Variants in VARS1 observed in about 807,000 individuals in gnomAD.
VARS1 encodes valine--tRNA ligase.
VARS1 carries 92 observed loss-of-function variants against 161.0 expected under a neutral mutation model. The ratio of observed to expected loss-of-function variants is 0.57; its 90% confidence interval spans 0.48 to 0.68. The LOEUF is 0.68. Among genes scored for constraint, VARS1 ranks in the 30% least tolerant of loss-of-function variants. VARS1 has a pLI of 0.00. For synonymous variants in VARS1, 595 were observed against 682.5 expected (o/e 0.87, Z 2.00); for missense variants, 1,338 against 1,695.9 (o/e 0.79, Z 3.71).
chr6:31,793,585 G>A (rs1387492207), intron 2 of VARS1, among the ~76,000 whole-genome samples: 8 of 152,058 alleles, frequency 5.3e-5, no homozygotes, highest in Admixed American at 6.5e-5. Context: ...AATATGTTAA[G>A]CATAGAAGTA....
At chr6:31,787,217 AAAAT>A (rs1327807663) in intron 8 of VARS1, among the ~76,000 whole-genome samples, 93 of 152,354 alleles carry the variant, frequency 6.1e-4, no homozygotes, top group Admixed American at 1.7e-3. Flanking sequence ...CTCTGTCTCA[AAAAT>A]AAATAAATAA....
Position 31,784,565 on chromosome 6 carries a change from G to A in VARS1, c.1467+30C>T, listed in dbSNP as rs771463367. ...AGGGCCAGGGCCAGGGTAGATTGGA[G>A]ATGGAGACAGGCCAGGTTGGGGGGC... is the stretch of plus-strand genomic sequence containing the variant. On this transcript the variant is annotated intron_variant, in intron 11 of 29. Coordinates refer to ENST00000375663, the MANE Select transcript of VARS1 (RefSeq NM_006295.3). This position sits in a 1 kb window ranked among gnomAD's most constrained non-coding sequence, Gnocchi z 6.1. The A allele has an allele frequency of 1.8e-5, 29 of 1,613,410 alleles. No homozygotes were observed. Among genetic ancestry groups the A allele is most frequent in the Non-Finnish European group, 2.4e-5 (28 of 1,180,046 alleles).
At position 31,791,877 on chromosome 6, in the gene VARS1, C is replaced by T. The variant is rs769189361; in HGVS notation, c.966G>A (p.Glu322=). 1 of 1,609,642 alleles carries T rather than the reference C, an allele frequency of 6.2e-7. No individual in the cohort carries two copies. Among genetic ancestry groups the T allele is most frequent in the Non-Finnish European group, 8.5e-7 (1 of 1,178,030 alleles). The change falls in exon 7 of 30, where the codon GAG becomes GAA. Residue 322 remains glutamate (E), a synonymous_variant. Coordinates refer to ENST00000375663, the MANE Select transcript of VARS1 (RefSeq NM_006295.3). This position sits in a 1 kb window ranked among gnomAD's most constrained non-coding sequence, Gnocchi z 5.0. ...GGCAGCAGTGCCTACTCACCCCATA[C>T]TCTGGCTTGAAGAAGCCCTGCTGCT... The part of the protein sequence containing the change: ...WWEQQGFFKP[E]YGRPNVSAAN...
At position 31,785,160 on chromosome 6, in the gene VARS1, C is replaced by T. The variant is rs1026437742; in HGVS notation, c.1347+86G>A. The T allele has an allele frequency of 2.5e-5, 38 of 1,528,036 alleles. No homozygotes were observed. Among genetic ancestry groups the T allele is most frequent in the Non-Finnish European group, 3.3e-5 (37 of 1,107,040 alleles). 94.7% of individuals were successfully genotyped at this position (1,528,036 alleles called of 1,614,324 possible). A position where few individuals can be genotyped will look rare whatever the true frequency, so the allele number is the denominator to read the frequency against. On this transcript the variant is annotated intron_variant, in intron 10 of 29. Transcript: ENST00000375663. The surrounding 1 kb of genome is among the most constrained non-coding windows in gnomAD (Gnocchi z 6.1). ...ACATGGGCCAGCTCCTGAGAGAGGGCCACAACACCTCTGCTTTCTCCTGTG... is the reference window on the plus strand; with the variant it reads ...ACATGGGCCAGCTCCTGAGAGAGGGTCACAACACCTCTGCTTTCTCCTGTG...
rs1813252171 is a variant in VARS1, at chr6:31,782,843, C to A, written c.1765G>T (p.Ala589Ser). 6.2e-7 allele frequency: 1 copy of A among 1,610,408 alleles called. No individual in the cohort carries two copies. The highest frequency in any genetic ancestry group is 1.1e-5 in the South Asian group (1 of 90,592). Residue 589 changes from alanine to serine, a missense_variant and splice_region_variant, in exon 15 of 30, where the codon GCT becomes TCT. Ala to Ser is a moderately conservative substitution (Grantham distance 99, BLOSUM62 1). This residue lies in a region of VARS1 where 902 missense variants were observed against 1,090.3 expected (regional missense o/e 0.83). Transcript: ENST00000375663. The surrounding 1 kb of genome is among the most constrained non-coding windows in gnomAD (Gnocchi z 8.3). ...TCATGTGCGGGGGTGATCTTCACAG[C>A]ACCTGGGTGTACATCAGGATGCCCA... ...EFVDMDFGTG[A>S]VKITPAHDQN...
Position 31,784,707 on chromosome 6 carries a change from G to C in VARS1, c.1355C>G (p.Ser452Ter), listed in dbSNP as rs1259474111. Residue 452 changes from serine to a stop codon, truncating the protein, a stop_gained, in exon 11 of 30, where the codon TCA becomes TGA. Coordinates refer to ENST00000375663, the MANE Select transcript of VARS1 (RefSeq NM_006295.3). LOFTEE classifies it high-confidence loss of function. The surrounding 1 kb of genome is among the most constrained non-coding windows in gnomAD (Gnocchi z 6.1). Reference protein sequence around the residue: ...RACFTMDPKLSAAVTEAFVRL... With the variant: ...RACFTMDPKL ...GACAAAGGCCTCTGTCACAGCTGCT[G>C]AGAGTTTCTGGGGTGGAGGAGGGAG... The C allele has an allele frequency of 6.2e-7, 1 of 1,613,034 alleles. No individual in the cohort carries two copies.
Position 31,781,407 on chromosome 6 carries a change from G to C in VARS1, c.2544+74C>G. ...AGCTAACCCCATGCCCCAGCCACGC[G>C]GGGTCTGCGCTGCAGCACAGGACGG... On this transcript the variant is annotated intron_variant, in intron 21 of 29. Transcript: ENST00000375663. This position sits in a 1 kb window ranked among gnomAD's most constrained non-coding sequence, Gnocchi z 6.8. 6.4e-7 allele frequency: 1 copy of C among 1,568,204 alleles called. No individual in the cohort carries two copies. The highest frequency in any genetic ancestry group is 8.6e-7 in the Non-Finnish European group (1 of 1,159,610).
Position 31,781,977 on chromosome 6 carries a change from A to G in VARS1, c.2242-25T>C. ...CCTGCCACAGGTGCAGTGATTACCC[A>G]AGGGGGTGTGTCTGCTTCTGGCTCA... On this transcript the variant is annotated intron_variant, in intron 18 of 29. Coordinates refer to ENST00000375663, the MANE Select transcript of VARS1 (RefSeq NM_006295.3). This position sits in a 1 kb window ranked among gnomAD's most constrained non-coding sequence, Gnocchi z 6.8. The G allele has an allele frequency of 6.2e-7, 1 of 1,613,034 alleles. No individual in the cohort carries two copies.
Position 31,782,751 on chromosome 6 carries a change from C to A in VARS1, c.1857G>T (p.Gly619=). 6.2e-7 allele frequency: 1 copy of A among 1,613,042 alleles called. No individual in the cohort carries two copies. The change falls in exon 15 of 30, where the codon GGG becomes GGT. Residue 619 remains glycine, a synonymous_variant. Coordinates refer to ENST00000375663, the MANE Select transcript of VARS1 (RefSeq NM_006295.3). This position sits in a 1 kb window ranked among gnomAD's most constrained non-coding sequence, Gnocchi z 8.3. ...AAGGCGGAGGCACATTGATGAGGGC[C>A]CCCCGGGAGTCCATGATGCTGATGG... ...LEAISIMDSR[G]ALINVPPPFL...
intron 2 of VARS1, among the ~76,000 whole-genome samples, chr6:31,793,978 C>T (rs1223531986): frequency 1.3e-5 from 2 of 151,652 alleles, no homozygotes; most frequent in Non-Finnish European, 1.5e-5. Context: ...GTGGTGGGCG[C>T]CTGTAATCCC....
Position 31,780,228 on chromosome 6 carries a change from C to T in VARS1, c.2926-75G>A. 1 of 1,585,500 alleles carries T rather than the reference C, an allele frequency of 6.3e-7. No homozygotes were observed. Among genetic ancestry groups the T allele is most frequent in the Non-Finnish European group, 8.6e-7 (1 of 1,167,358 alleles). ...ACCCCATGGGGGCAGGAGTCATGGG[C>T]AAATCTTCATCCAGAGTCTGATGAG... is the stretch of plus-strand genomic sequence containing the variant. On this transcript the variant is annotated intron_variant, in intron 25 of 29. Coordinates refer to ENST00000375663, the MANE Select transcript of VARS1 (RefSeq NM_006295.3). This position sits in a 1 kb window ranked among gnomAD's most constrained non-coding sequence, Gnocchi z 5.1.
chr6:31,783,112 G>A lies in VARS1; in HGVS notation c.1746C>T (p.Asp582=), dbSNP rs778936216. 8.1e-6 allele frequency: 13 copies of A among 1,612,694 alleles called. No individual in the cohort carries two copies. The South Asian group carries it at 1.2e-4, about 15-fold the overall frequency. Reference sequence around the variant, plus strand: ...CTTGCCCACCTGTGCCAAAGTCCATGTCCACAAATTCATCGAAGACAATGG... The same window carrying A: ...CTTGCCCACCTGTGCCAAAGTCCATATCCACAAATTCATCGAAGACAATGG... ...SLPIVFDEFV[D]MDFGTGAVKI... Residue 582 remains aspartate (D), a synonymous_variant, in exon 14 of 30, where the codon GAC becomes GAT. Coordinates refer to ENST00000375663, the MANE Select transcript of VARS1 (RefSeq NM_006295.3).
Position 31,791,682 on chromosome 6 carries a change from G to T in VARS1, c.1028C>A (p.Pro343His), listed in dbSNP as rs1813878754. The T allele has an allele frequency of 1.2e-6, 2 of 1,613,074 alleles. No individual in the cohort carries two copies. The highest frequency in any genetic ancestry group is 1.7e-6 in the Non-Finnish European group (2 of 1,180,024). ...PRGVFMMCIP[P>H]PNVTGSLHLG... ...GTGCAGGGAGCCTGTCACATTGGGGGGTGGGATGCACATCATGAAGACACC... is the reference window on the plus strand; with the variant it reads ...GTGCAGGGAGCCTGTCACATTGGGGTGTGGGATGCACATCATGAAGACACC... The change falls in exon 8 of 30, where the codon CCC becomes CAC. Residue 343 changes from proline (P) to histidine (H), a missense_variant. Pro to His is a moderately conservative substitution (Grantham distance 77). Around this residue, in one of 3 missense-constraint regions of VARS1, gnomAD observed 902 missense variants for 1,090.3 expected, o/e 0.83. Transcript: ENST00000375663. The surrounding 1 kb of genome is among the most constrained non-coding windows in gnomAD (Gnocchi z 5.0).
chr6:31,786,184 C>T (rs1038272113), intron 8 of VARS1, among the ~76,000 whole-genome samples: 2 of 151,966 alleles, frequency 1.3e-5, no homozygotes, highest in African/African-American at 2.4e-5. Flanking sequence ...TGCTTGAACC[C>T]GGGAAGCAGA....
In VARS1 at chr6:31,784,369, G is replaced by C; in HGVS notation, c.1576+25C>G. On this transcript the variant is annotated intron_variant, in intron 12 of 29. Transcript: ENST00000375663. The surrounding 1 kb of genome is among the most constrained non-coding windows in gnomAD (Gnocchi z 6.1). The stretch of plus-strand genomic sequence containing the variant: ...GCCCCTTCCTGCCACTCCCAGCCCA[G>C]GATCCTGGTGCCCCTGGCTCCTACC... The C allele has an allele frequency of 6.2e-7, 1 of 1,614,162 alleles. No homozygotes were observed. Among genetic ancestry groups the C allele is most frequent in the Non-Finnish European group, 8.5e-7 (1 of 1,180,032 alleles).
At chr6:31,794,139 CA>C (rs1458401872) in intron 2 of VARS1, among the ~76,000 whole-genome samples, 1 of 146,076 alleles carries the variant, frequency 6.8e-6, no homozygotes, top group African/African-American at 2.5e-5. Context: ...AAGAGGGGAA[CA>C]AACAGGGAAT....
rs185990098 is a variant in VARS1, at chr6:31,795,151, G to A, written c.67C>T (p.Arg23Cys). 2.6e-4 allele frequency: 380 copies of A among 1,486,238 alleles called. 4 individuals are homozygous for A. The East Asian group carries it at 8.1e-3, about 32-fold the overall frequency. 92.1% of individuals were successfully genotyped at this position (1,486,238 alleles called of 1,614,324 possible). Residue 23 changes from arginine to cysteine, a missense_variant, in exon 2 of 30, where the codon CGC (arginine) becomes TGC (cysteine). Transcript: ENST00000375663. The surrounding 1 kb of genome is among the most constrained non-coding windows in gnomAD (Gnocchi z 6.9). ...GGACCCTCCCCAGCCTCCCCATAGC[G>A]AGCGGCTATGAGGGCTCGGAGGCTG... ...FPSLRALIAA[R>C]YGEAGEGPGW...
In VARS1 at chr6:31,777,752, A is replaced by C; in HGVS notation, c.3727-90T>G. The C allele has an allele frequency of 6.7e-7, 1 of 1,485,806 alleles. No individual in the cohort carries two copies. The highest frequency in any genetic ancestry group is 9.2e-7 in the Non-Finnish European group (1 of 1,086,838). The allele number at this position is 1,485,806 out of a possible 1,614,324, so 92.0% of individuals were successfully genotyped here. A position where few individuals can be genotyped will look rare whatever the true frequency, so the allele number is the denominator to read the frequency against. ...GACAACAAAGTTGGAAAGATGAGCG[A>C]GGACCATGGGAGGTCAGTAGCTCAG... On this transcript the variant is annotated intron_variant, in intron 29 of 29. Coordinates refer to ENST00000375663, the MANE Select transcript of VARS1 (RefSeq NM_006295.3). This position sits in a 1 kb window ranked among gnomAD's most constrained non-coding sequence, Gnocchi z 5.8.
In VARS1 at chr6:31,785,234, C is replaced by A; in HGVS notation, c.1347+12G>T. On this transcript the variant is annotated intron_variant, in intron 10 of 29. Coordinates refer to ENST00000375663, the MANE Select transcript of VARS1 (RefSeq NM_006295.3). This position sits in a 1 kb window ranked among gnomAD's most constrained non-coding sequence, Gnocchi z 6.1. ...CTACTCCTGCCCCAGCTTTGACACTCCTCCCACGCACAGGGTCCATGGTGA... is the reference window on the plus strand; with the variant it reads ...CTACTCCTGCCCCAGCTTTGACACTACTCCCACGCACAGGGTCCATGGTGA... 1 of 1,613,044 alleles carries A rather than the reference C, an allele frequency of 6.2e-7. No individual in the cohort carries two copies. Among genetic ancestry groups the A allele is most frequent in the East Asian group, 2.2e-5 (1 of 44,876 alleles).
Sources: gnomAD v4.1 joint callset for allele counts (sites outside exome capture counted in the v4.1 genomes callset) on GRCh38, gnomAD v4.1.1 for gene constraint, gnomAD v4.1.1 regional missense constraint, Gnocchi (gnomAD v3.1) non-coding constraint, MANE v1.5 for transcripts, NCBI Gene and HGNC (gene_info 2026-07-23, HGNC 2026-07-21) for gene names.